Variants in MGAT5 observed in about 807,000 individuals in gnomAD.
The protein encoded by MGAT5 is alpha-1,6-mannosylglycoprotein 6-beta-N-acetylglucosaminyltransferase A.
In MGAT5, 30 loss-of-function variants were observed where a neutral mutation model predicts 94.3. That is an observed-to-expected ratio of 0.32 (90% CI 0.24 to 0.43). The LOEUF (loss-of-function observed/expected upper bound fraction) is 0.43. Among genes scored for constraint, MGAT5 ranks in the 20% least tolerant of loss-of-function variants. The probability of loss-of-function intolerance (pLI) is 1.00; values close to 1 mark genes in which losing one functional copy is unlikely to be tolerated. For synonymous variants in MGAT5, 310 were observed against 322.9 expected, an observed-to-expected ratio of 0.96 and a Z score of 0.43; for missense variants, 691 against 905.5, an observed-to-expected ratio of 0.76 and a Z score of 3.04.
At chr2:134,230,022 A>G (rs1274989147) in intron 1 of MGAT5, among the ~76,000 whole-genome samples, 1 of 152,254 alleles carries the variant, frequency 6.6e-6, no homozygotes, top group Non-Finnish European at 1.5e-5. Context: ...CAGATGGGAA[A>G]GATGGGGGAA....
intron 1 of MGAT5, among the ~76,000 whole-genome samples, chr2:134,144,050 G>A (rs931035914): frequency 2.6e-5 from 4 of 152,212 alleles, no homozygotes; most frequent in African/African-American, 9.6e-5. Flanking sequence ...ATCAGCCTTG[G>A]GAGTAGAGGC....
chr2:134,269,736 G>A (rs1264059733), intron 1 of MGAT5, among the ~76,000 whole-genome samples: 1 of 152,172 alleles, frequency 6.6e-6, no homozygotes, highest in Non-Finnish European at 1.5e-5. Context: ...ATGTAAGAAC[G>A]ATGAGAGTAT....
At chr2:134,322,818 T>C (rs980805601) in intron 4 of MGAT5, among the ~76,000 whole-genome samples, 2 of 152,134 alleles carry the variant, frequency 1.3e-5, no homozygotes, top group Non-Finnish European at 2.9e-5. Flanking sequence ...ACTGGGGAGA[T>C]GATTGAGAGA....
intron 1 of MGAT5, among the ~76,000 whole-genome samples, chr2:134,175,757 G>C (rs1688432076): frequency 6.6e-6 from 1 of 152,202 alleles, no homozygotes; most frequent in African/African-American, 2.4e-5. Context: ...CTCCAAGCCA[G>C]GTTTGGGATT....
intron 2 of MGAT5, among the ~76,000 whole-genome samples, chr2:134,316,090 C>T (rs1686981353): frequency 6.6e-6 from 1 of 152,102 alleles, no homozygotes; most frequent in African/African-American, 2.4e-5. Context: ...TGATATTTTC[C>T]AGACATTTCT....
At chr2:134,165,753 C>A (rs562312560) in intron 1 of MGAT5, among the ~76,000 whole-genome samples, 1 of 151,384 alleles carries the variant, frequency 6.6e-6, no homozygotes, top group Non-Finnish European at 1.5e-5. Context: ...CCAGCCTGGG[C>A]GACAGAGCGA....
At chr2:134,399,942 T>A (rs1682940131) in intron 10 of MGAT5, among the ~76,000 whole-genome samples, 1 of 152,260 alleles carries the variant, frequency 6.6e-6, no homozygotes, top group African/African-American at 2.4e-5. Flanking sequence ...CCTTTAATTT[T>A]AAAAATCCTG....
chr2:134,152,333 G>A lies in MGAT5; in HGVS notation c.-143+32042G>A, dbSNP rs1341277308. 6.5e-5 allele frequency among the ~76,000 whole-genome samples: 7 copies of A among 108,482 alleles called. No individual in the cohort carries two copies. The Admixed American group carries it at 6.7e-4, about 10-fold the overall frequency. 71.2% of individuals were successfully genotyped at this position (108,482 alleles called of 152,430 possible). On this transcript the variant is annotated intron_variant, in intron 1 of 16. Transcript: ENST00000409645. ...TTATCACTCACGCCCTATGGGACCCGCCCACCGCCATGGGACCTCACTCAC... is the reference window on the plus strand; with the variant it reads ...TTATCACTCACGCCCTATGGGACCCACCCACCGCCATGGGACCTCACTCAC...
intron 10 of MGAT5, among the ~76,000 whole-genome samples, chr2:134,399,557 G>A (rs917631603): frequency 6.6e-6 from 1 of 152,180 alleles, no homozygotes; most frequent in Admixed American, 6.5e-5. Flanking sequence ...GCATTAGGGG[G>A]GTTGCTGGTT....
intron 14 of MGAT5, among the ~76,000 whole-genome samples, chr2:134,431,938 T>C (rs56896976): frequency 0.088 from 13,387 of 152,246 alleles, 643 homozygotes; most frequent in Middle Eastern, 0.15. Flanking sequence ...CTTGCTCTTT[T>C]CTCTTAATGT....
At chr2:134,418,591 A>C (rs1215480934) in intron 12 of MGAT5, among the ~76,000 whole-genome samples, 1 of 152,236 alleles carries the variant, frequency 6.6e-6, no homozygotes, top group African/African-American at 2.4e-5. Context: ...GATATGAAAG[A>C]GTTATAGGAC....
chr2:134,242,083 TACTTGTGATTGCAAAGC>T (rs1014509902), intron 1 of MGAT5, among the ~76,000 whole-genome samples: 3 of 152,236 alleles, frequency 2.0e-5, no homozygotes, highest in African/African-American at 2.4e-5. Context: ...ACTGGGAAAG[TACTTGTGATTGCAAAGC>T]ACTTGTTCTA....
At chr2:134,213,934 T>C (rs1478750289) in intron 1 of MGAT5, among the ~76,000 whole-genome samples, 1 of 152,110 alleles carries the variant, frequency 6.6e-6, no homozygotes, top group East Asian at 1.9e-4. Flanking sequence ...TAAATCAATG[T>C]CCACCCTTTC....
chr2:134,334,890 G>C (rs1229248277), intron 4 of MGAT5, among the ~76,000 whole-genome samples: 5 of 152,022 alleles, frequency 3.3e-5, no homozygotes. Flanking sequence ...TCCTTGTGGG[G>C]AATCCTTTTG....
intron 1 of MGAT5, among the ~76,000 whole-genome samples, chr2:134,206,729 CAGAAG>C (rs1164264431): frequency 3.9e-5 from 6 of 152,152 alleles, no homozygotes; most frequent in Non-Finnish European, 7.4e-5. Context: ...GAGGATTACT[CAGAAG>C]AGAAGGCAGT....
chr2:134,319,654 G>A, intron 4 of MGAT5: 1 of 280,818 alleles, frequency 3.6e-6, no homozygotes, highest in Non-Finnish European at 7.1e-6. Flanking sequence ...AGACCTTCTG[G>A]TTGCTGATAG....
chr2:134,364,436 G>GTTGCAGTGAGCTGAGACCATGCCA (rs879316969), intron 10 of MGAT5, among the ~76,000 whole-genome samples: 1 of 152,112 alleles, frequency 6.6e-6, no homozygotes, highest in African/African-American at 2.4e-5. Flanking sequence ...GGAGGCGGAT[G>GTTGCAGTGAGCTGAGACCATGCCA]TTGCAGTGAG....
chr2:134,420,183 T>A (rs1684216500), intron 12 of MGAT5, among the ~76,000 whole-genome samples: 1 of 152,164 alleles, frequency 6.6e-6, no homozygotes, highest in Non-Finnish European at 1.5e-5. Flanking sequence ...GGAAATGTAA[T>A]CGCCTCTCAG....
At chr2:134,287,738 G>A (rs1431954957) in intron 2 of MGAT5, among the ~76,000 whole-genome samples, 1 of 152,172 alleles carries the variant, frequency 6.6e-6, no homozygotes, top group African/African-American at 2.4e-5. Context: ...ATCCACTGTT[G>A]TGAATCTAGA....
Sources: gnomAD v4.1 joint callset for allele counts (sites outside exome capture counted in the v4.1 genomes callset) on GRCh38, gnomAD v4.1.1 for gene constraint, MANE v1.5 for transcripts, NCBI Gene and HGNC (gene_info 2026-07-23, HGNC 2026-07-21) for gene names.